TOR1AIP2: variants seen among roughly 807,000 people sequenced by gnomAD.
TOR1AIP2 encodes the protein torsin 1A interacting protein 2.
A neutral mutation model predicts 32.6 loss-of-function variants in TOR1AIP2; 20 were observed. The observed-to-expected ratio is 0.61, with a 90% confidence interval of 0.43 to 0.89. The LOEUF is 0.89. TOR1AIP2 is among the 40% of genes least tolerant of loss of function. The probability of loss-of-function intolerance (pLI) is 0.00; values close to 1 mark genes in which losing one functional copy is unlikely to be tolerated. For synonymous variants in TOR1AIP2, 214 were observed against 210.8 expected (o/e 1.02, Z -0.13); for missense variants, 456 against 553.8 (o/e 0.82, Z 1.77).
chr1:179,851,022 C>T lies in TOR1AIP2; in HGVS notation c.376G>A (p.Gly126Arg). 4 of 1,614,200 alleles carry T rather than the reference C, an allele frequency of 2.5e-6. No homozygotes were observed. The highest frequency in any genetic ancestry group is 1.1e-5 in the South Asian group (1 of 91,086). Residue 126 changes from glycine to arginine, a missense_variant, in exon 5 of 7, where the codon GGA (glycine) becomes AGA (arginine). Gly to Arg is a moderately radical substitution (Grantham distance 125, BLOSUM62 -2). Coordinates refer to ENST00000609928, the MANE Select transcript of TOR1AIP2 (RefSeq NM_001199260.2). ...CTCCCTAAGTGTGCATCTGCTCTTC[C>T]TACCTTGTCACTTGGAGAATGGCTG... ...DPSHSPSDKV[G>R]RADAHLGSSS...
chr1:179,860,626 C>G, intron 3 of TOR1AIP2: 1 of 983,804 alleles, frequency 1.0e-6, no homozygotes, highest in Non-Finnish European at 1.2e-6. Context: ...TTAAACCTCA[C>G]AACAGTATGA....
At chr1:179,864,613 A>C in intron 3 of TOR1AIP2, 1 of 1,391,730 alleles carries the variant, frequency 7.2e-7, no homozygotes, top group South Asian at 1.8e-5. Context: ...TACTAACTAA[A>C]TTCATGTGAA....
chr1:179,848,643 A>C (rs1391301085), intron 5 of TOR1AIP2, among the ~76,000 whole-genome samples: 2 of 152,230 alleles, frequency 1.3e-5, no homozygotes, highest in Admixed American at 6.5e-5. Flanking sequence ...TACTTCTATT[A>C]GCATAGATGA....
chr1:179,860,726 T>G (rs1463089762), intron 3 of TOR1AIP2: 2 of 985,234 alleles, frequency 2.0e-6, no homozygotes, highest in African/African-American at 3.5e-5. Context: ...AGTATCAGAA[T>G]TAGAATAGAA....
At chr1:179,865,378 G>T in intron 3 of TOR1AIP2, 58 bp downstream of exon 3, 1 of 614,112 alleles carries the variant, frequency 1.6e-6, no homozygotes, top group Non-Finnish European at 2.8e-6. Context: ...TCACTCAATT[G>T]CAACTCAGTC....
intron 3 of TOR1AIP2, chr1:179,861,518 A>T: frequency 2.0e-6 from 2 of 984,524 alleles, no homozygotes; most frequent in South Asian, 9.4e-5. Flanking sequence ...AATATTTTTG[A>T]TTCATTTTTC....
Position 179,850,834 on chromosome 1 carries a change from G to A in TOR1AIP2, c.553+11C>T, listed in dbSNP as rs1413403692. On this transcript the variant is annotated intron_variant, in intron 5 of 6. Coordinates refer to ENST00000609928, the MANE Select transcript of TOR1AIP2 (RefSeq NM_001199260.2). ...TACAAAACAGGAGAGTAGTTCAGGGGGTTCTCTTACCTGGGGCCAGCAGTC... is the reference window on the plus strand; with the variant it reads ...TACAAAACAGGAGAGTAGTTCAGGGAGTTCTCTTACCTGGGGCCAGCAGTC... 5.0e-6 allele frequency: 8 copies of A among 1,610,586 alleles called. No homozygotes were observed. Among genetic ancestry groups the A allele is most frequent in the African/African-American group, 4.0e-5 (3 of 74,850 alleles).
intron 3 of TOR1AIP2, chr1:179,861,887 C>G (rs1399964171): frequency 1.1e-6 from 1 of 934,794 alleles, no homozygotes; most frequent in Non-Finnish European, 1.3e-6. Flanking sequence ...TTGAAAGAGA[C>G]AGTGGTCTGA....
At chr1:179,863,936 A>G in intron 3 of TOR1AIP2, 7 of 985,410 alleles carry the variant, frequency 7.1e-6, no homozygotes, top group Non-Finnish European at 8.4e-6. Context: ...TAGTTCTAAG[A>G]AAGATGCTTC....
rs1695716186 is a variant in TOR1AIP2 at position 179,841,491 on chromosome 1, C to T, written c.*4580G>A. On this transcript the variant is annotated 3_prime_UTR_variant, in exon 7 of 7. Coordinates refer to ENST00000609928, the MANE Select transcript of TOR1AIP2 (RefSeq NM_001199260.2). ...TATTTGAAAGTACTTCTCAACTAGCCGGGCATGGTGGCATAATTCCTGAAG... is the reference window on the plus strand; with the variant it reads ...TATTTGAAAGTACTTCTCAACTAGCTGGGCATGGTGGCATAATTCCTGAAG... The T allele has an allele frequency of 6.6e-6, 1 of 152,178 alleles. No homozygotes were observed. Among genetic ancestry groups the T allele is most frequent in the Non-Finnish European group, 1.5e-5 (1 of 68,048 alleles). The allele number at this position is 152,178 out of a possible 1,614,324, so 9.4% of individuals were successfully genotyped here. A position where few individuals can be genotyped will look rare whatever the true frequency, so the allele number is the denominator to read the frequency against.
intron 3 of TOR1AIP2, chr1:179,863,677 CAAAA>C (rs904854823): frequency 3.5e-4 from 299 of 855,828 alleles, no homozygotes; most frequent in Middle Eastern, 1.2e-3. Context: ...TTTTAAAAAG[CAAAA>C]AAAAAAAAAA....
intron 3 of TOR1AIP2, chr1:179,860,631 G>A: frequency 6.1e-6 from 6 of 982,586 alleles, no homozygotes; most frequent in Non-Finnish European, 7.3e-6. Context: ...CCTCACAACA[G>A]TATGAGGTAG....
chr1:179,866,344 TAA>T (rs1018343543), intron 2 of TOR1AIP2, among the ~76,000 whole-genome samples: 1 of 151,630 alleles, frequency 6.6e-6, no homozygotes. Context: ...TTTTGAAGGC[TAA>T]AAAAAAGTCA....
chr1:179,859,754 C>A, intron 3 of TOR1AIP2: 1 of 985,414 alleles, frequency 1.0e-6, no homozygotes, highest in Non-Finnish European at 1.2e-6. Context: ...CACCCAAGAC[C>A]ATCTGACTTA....
In TOR1AIP2 at chr1:179,846,243, G is replaced by A. The variant is rs151254233; in HGVS notation, c.1241C>T (p.Thr414Met). 86 of 1,613,980 alleles carry A rather than the reference G, an allele frequency of 5.3e-5. 3 individuals carry two copies. In the South Asian group the frequency reaches 6.7e-4, roughly 13 times the overall value. ...GAGTAAGTCTCTCACTTTTTCTTCCGTTTCCCTTGGGCCTACACTTGCTTC... is the reference window on the plus strand; with the variant it reads ...GAGTAAGTCTCTCACTTTTTCTTCCATTTCCCTTGGGCCTACACTTGCTTC... ...TLEASVGPRE[T>M]EEKVRDLLWA... Residue 414 changes from threonine to methionine, a missense_variant, in exon 7 of 7, where the codon ACG (threonine) becomes ATG (methionine). Transcript: ENST00000609928.
Position 179,859,172 on chromosome 1 carries a change from T to G in TOR1AIP2, c.-147+6264A>C, listed in dbSNP as rs1696417584. The G allele has an allele frequency of 3.0e-6, 3 of 985,154 alleles. No individual in the cohort carries two copies. The Admixed American group carries it at 1.8e-4, about 61-fold the overall frequency. The allele number at this position is 985,154 out of a possible 1,614,324, so 61.0% of individuals were successfully genotyped here. On this transcript the variant is annotated intron_variant, in intron 3 of 6. Coordinates refer to ENST00000609928, the MANE Select transcript of TOR1AIP2 (RefSeq NM_001199260.2). ...TCCTGCTATGAAAACGAGTAACAAA[T>G]AAAGCATATACAACAACTATAAGAA...
At chr1:179,858,077 C>T (rs1475787957) in intron 3 of TOR1AIP2, among the ~76,000 whole-genome samples, 7 of 151,380 alleles carry the variant, frequency 4.6e-5, no homozygotes, top group African/African-American at 1.7e-4. Context: ...ATCCTTTGAG[C>T]CCAGGAGTTC....
chr1:179,865,293 C>G, intron 3 of TOR1AIP2, 143 bp downstream of exon 3: 1 of 1,330,542 alleles, frequency 7.5e-7, no homozygotes, highest in Non-Finnish European at 1.0e-6. Flanking sequence ...CTTAGTTCAA[C>G]CAATATTATT....
At chr1:179,867,544 C>T (rs1183803298) in intron 2 of TOR1AIP2, 2 of 152,212 alleles carry the variant, frequency 1.3e-5, no homozygotes, top group Admixed American at 1.3e-4. Context: ...AAAAGTCTGA[C>T]ATTTAATTGA....
Sources: gnomAD v4.1 joint callset for allele counts (sites outside exome capture counted in the v4.1 genomes callset) on GRCh38, gnomAD v4.1.1 for gene constraint, MANE v1.5 for transcripts, NCBI Gene and HGNC (gene_info 2026-07-23, HGNC 2026-07-21) for gene names.